Variants in DTD1 observed in about 807,000 individuals in gnomAD.
DTD1 encodes the protein D-aminoacyl-tRNA deacylase 1.
Under a neutral mutation model 25.6 loss-of-function variants are expected in DTD1, and 13 were observed. The observed-to-expected ratio is 0.51, with a 90% CI of 0.33 to 0.81. The LOEUF is 0.81. Among genes scored for constraint, DTD1 ranks in the 30% least tolerant of loss-of-function variants. The probability of loss-of-function intolerance (pLI) is 0.02; values close to 1 mark genes in which losing one functional copy is unlikely to be tolerated. For synonymous variants in DTD1, 110 were observed against 103.6 expected (o/e 1.06, Z -0.37); for missense variants, 193 against 266.4 (o/e 0.72, Z 1.92).
intron 2 of DTD1, 78 bp from the exon 3 acceptor site, chr20:18,595,928 G>A (rs1184002167): frequency 7.9e-7 from 1 of 1,258,230 alleles, no homozygotes; most frequent in Non-Finnish European, 1.2e-6. Context: ...CCGGAAGCTG[G>A]TGACATTTTT....
chr20:18,659,000 C>G (rs1027897647), intron 4 of DTD1, among the ~76,000 whole-genome samples: 1 of 152,092 alleles, frequency 6.6e-6, no homozygotes, highest in African/African-American at 2.4e-5. Context: ...AGAATGGCAT[C>G]TGGCACATTT....
At chr20:18,590,943 A>G (rs979666369) in intron 1 of DTD1, among the ~76,000 whole-genome samples, 1 of 152,240 alleles carries the variant, frequency 6.6e-6, no homozygotes, top group Non-Finnish European at 1.5e-5. Flanking sequence ...GTGTTGGAAG[A>G]GGATCTAAAA....
At chr20:18,642,924 A>T (rs6081269) in intron 4 of DTD1, 75,970 of 126,204 alleles carry the variant, frequency 0.6, 19,605 homozygotes, top group Non-Finnish European at 0.66. Context: ...CTTTTCTTTT[A>T]TTTTTTTTGA....
chr20:18,696,792 G>A (rs971789459), intron 4 of DTD1, among the ~76,000 whole-genome samples: 4 of 151,822 alleles, frequency 2.6e-5, no homozygotes, highest in African/African-American at 9.7e-5. Context: ...GACCTCAGGT[G>A]ATACGCCCAC....
intron 4 of DTD1, among the ~76,000 whole-genome samples, chr20:18,693,999 A>G (rs76052639): frequency 0.05 from 7,631 of 152,296 alleles, 304 homozygotes; most frequent in Non-Finnish European, 0.071. Context: ...TGACTACTGT[A>G]TTGCACAGCA....
At chr20:18,730,404 A>G (rs2061235992) in intron 4 of DTD1, among the ~76,000 whole-genome samples, 1 of 152,212 alleles carries the variant, frequency 6.6e-6, no homozygotes, top group South Asian at 2.1e-4. Context: ...CCCAAGGCCC[A>G]AATTTATACT....
At chr20:18,682,673 A>G (rs1023182257) in intron 4 of DTD1, among the ~76,000 whole-genome samples, 2 of 152,100 alleles carry the variant, frequency 1.3e-5, no homozygotes, top group East Asian at 1.9e-4. Flanking sequence ...TTGACAGTCA[A>G]CTCATCTCTA....
At chr20:18,618,672 TACACACACACACACAC>T (rs751474809) in intron 3 of DTD1, among the ~76,000 whole-genome samples, 194 of 130,558 alleles carry the variant, frequency 1.5e-3, no homozygotes, top group Middle Eastern at 3.8e-3. Context: ...CATAATTTTA[TACACACACACACACAC>T]ACACACACAC....
chr20:18,589,121 C>A (rs190666409), intron 1 of DTD1, among the ~76,000 whole-genome samples: 1 of 152,126 alleles, frequency 6.6e-6, no homozygotes, highest in Non-Finnish European at 1.5e-5. Context: ...GAGGCCAAGG[C>A]GGGCAGATCA....
intron 5 of DTD1, among the ~76,000 whole-genome samples, chr20:18,755,020 G>A (rs1481860854): frequency 6.6e-6 from 1 of 152,180 alleles, no homozygotes; most frequent in East Asian, 1.9e-4. Flanking sequence ...GCTTTATAAA[G>A]TTCTTATGCC....
chr20:18,735,174 G>A (rs1448982212), intron 4 of DTD1, among the ~76,000 whole-genome samples: 1 of 152,240 alleles, frequency 6.6e-6, no homozygotes, highest in Non-Finnish European at 1.5e-5. Context: ...AACTGACTTT[G>A]TGGGATTTGA....
chr20:18,588,623 G>A, intron 1 of DTD1: 1 of 528,208 alleles, frequency 1.9e-6, no homozygotes, highest in Non-Finnish European at 2.4e-6. Context: ...CTTGGGCTGA[G>A]CTTTGACAGT....
intron 5 of DTD1, among the ~76,000 whole-genome samples, chr20:18,761,753 A>T (rs1442661915): frequency 1.3e-5 from 2 of 152,260 alleles, no homozygotes; most frequent in Non-Finnish European, 2.9e-5. Flanking sequence ...TGTGGGGAAC[A>T]ATTACAGTAT....
chr20:18,748,422 A>G (rs62217056), intron 5 of DTD1, among the ~76,000 whole-genome samples: 3,994 of 152,324 alleles, frequency 0.026, 70 homozygotes, highest in Non-Finnish European at 0.037. Context: ...CATGCAAAAC[A>G]TAACAACTTA....
At chr20:18,679,397 A>G (rs2060988165) in intron 4 of DTD1, among the ~76,000 whole-genome samples, 2 of 152,218 alleles carry the variant, frequency 1.3e-5, no homozygotes, top group African/African-American at 4.8e-5. Context: ...AAACTGTAGT[A>G]GTGATTTTAA....
chr20:18,667,902 A>G lies in DTD1; in HGVS notation c.477+39669A>G, dbSNP rs2060937761. ...GGCCCTCGTCAGATGCATAGGGAGT[A>G]TCTACCTACCTCAGGTGGGAATGAC... is the stretch of plus-strand genomic sequence containing the variant. On this transcript the variant is annotated intron_variant, in intron 4 of 5. Transcript: ENST00000377452. Among the ~76,000 whole-genome samples the G allele has an allele frequency of 2.6e-5, 4 of 152,196 alleles. No homozygotes were observed. The South Asian group carries it at 8.3e-4, about 31-fold the overall frequency.
rs62216973 is a variant in DTD1, at chr20:18,654,236, T to C, written c.477+26003T>C. ...GGGTTTTCCTGTGCTGTTCTCATGA[T>C]AGTGAACAAGTCTTAGGAGATCTGA... is the stretch of plus-strand genomic sequence containing the variant. On this transcript the variant is annotated intron_variant, in intron 4 of 5. Coordinates refer to ENST00000377452, the MANE Select transcript of DTD1 (RefSeq NM_080820.6). Among the ~76,000 whole-genome samples, 755 of 152,292 alleles carry C rather than the reference T, an allele frequency of 5.0e-3. 3 individuals are homozygous for C. The highest frequency in any genetic ancestry group is 0.014 in the Middle Eastern group (4 of 294).
intron 4 of DTD1, among the ~76,000 whole-genome samples, chr20:18,649,763 G>A (rs769707733): frequency 6.6e-6 from 1 of 152,138 alleles, no homozygotes; most frequent in South Asian, 2.1e-4. Flanking sequence ...ACCCCCATGC[G>A]TTGTGGGCCC....
chr20:18,726,017 T>A (rs73118743), intron 4 of DTD1, among the ~76,000 whole-genome samples: 1 of 152,228 alleles, frequency 6.6e-6, no homozygotes, highest in African/African-American at 2.4e-5. Context: ...GGCATCTTTG[T>A]GTGTGGCTCT....
Sources: gnomAD v4.1 joint callset for allele counts (sites outside exome capture counted in the v4.1 genomes callset) on GRCh38, gnomAD v4.1.1 for gene constraint, MANE v1.5 for transcripts, NCBI Gene and HGNC (gene_info 2026-07-23, HGNC 2026-07-21) for gene names.